POLQ: variants seen among roughly 807,000 people sequenced by gnomAD.
The protein encoded by POLQ is DNA polymerase theta, also known as epididymis secretory sperm binding protein.
A neutral mutation model predicts 259.2 loss-of-function variants in POLQ; 233 were observed. That is an observed-to-expected ratio of 0.90 (90% CI 0.81 to 1.00). POLQ has a LOEUF of 1.00. POLQ is among the 50% of genes least tolerant of loss of function. The pLI is 0.00. For synonymous variants in POLQ, 1,025 were observed against 1,048.8 expected (o/e 0.98, Z 0.44); for missense variants, 2,871 against 3,051.6 (o/e 0.94, Z 1.39).
chr3:121,455,631 T>A (rs1159665074), intron 25 of POLQ, among the ~76,000 whole-genome samples: 1 of 151,792 alleles, frequency 6.6e-6, no homozygotes, highest in Non-Finnish European at 1.5e-5. Flanking sequence ...CTAGAAAATC[T>A]AGAAAAAATG....
Position 121,489,252 on chromosome 3 carries a change from T to C in POLQ, c.3679A>G (p.Ile1227Val). ...ATAGTAACATTTGAGTCTCTATTTA[T>C]GTAACTACTGACTGCTTCACAGGGC... ...QMPCEAVSSY[I>V]NRDSNVTINC... The change falls in exon 16 of 30, where the codon ATA (isoleucine) becomes GTA (valine). Residue 1227 changes from isoleucine to valine, a missense_variant. Coordinates refer to ENST00000264233, the MANE Select transcript of POLQ (RefSeq NM_199420.4). 2 of 1,613,278 alleles carry C rather than the reference T, an allele frequency of 1.2e-6. No individual in the cohort carries two copies. Among genetic ancestry groups the C allele is most frequent in the Non-Finnish European group, 1.7e-6 (2 of 1,179,526 alleles).
chr3:121,499,291 A>C (rs1349577026), intron 12 of POLQ, among the ~76,000 whole-genome samples: 1 of 148,510 alleles, frequency 6.7e-6, no homozygotes, highest in Non-Finnish European at 1.5e-5. Context: ...TTTTGAGACA[A>C]GGTCTTGTTC....
intron 17 of POLQ, 144 bp from the exon 18 acceptor site, chr3:121,483,726 C>A (rs967222233): frequency 5.6e-6 from 3 of 540,296 alleles, no homozygotes; most frequent in Non-Finnish European, 9.5e-6. Flanking sequence ...AATTCAGCAT[C>A]TTATCCAGGT....
chr3:121,510,814 G>A (rs1305839692), intron 10 of POLQ, among the ~76,000 whole-genome samples: 1 of 151,932 alleles, frequency 6.6e-6, no homozygotes, highest in African/African-American at 2.4e-5. Context: ...GGCCAGGCAC[G>A]GTGGCTCACG....
Position 121,520,055 on chromosome 3 carries a change from A to G in POLQ, c.1284T>C (p.Ile428=). The G allele has an allele frequency of 6.2e-7, 1 of 1,612,626 alleles. No homozygotes were observed. The highest frequency in any genetic ancestry group is 8.5e-7 in the Non-Finnish European group (1 of 1,178,714). The change falls in exon 9 of 30, where the codon ATT becomes ATC. Residue 428 remains isoleucine (I), a synonymous_variant. Coordinates refer to ENST00000264233, the MANE Select transcript of POLQ (RefSeq NM_199420.4). ...AGLTFEERDI[I]EGAFRQGLIR... ...TGAGACCTTGACGAAAGGCTCCTTCAATGATATCCCTCTCCTCAAAAGTAA... is the reference window on the plus strand; with the variant it reads ...TGAGACCTTGACGAAAGGCTCCTTCGATGATATCCCTCTCCTCAAAAGTAA...
rs369970346 is a variant in POLQ, at chr3:121,480,221, T to C, written c.6211+1351A>G. Among the ~76,000 whole-genome samples the C allele has an allele frequency of 5.3e-5, 8 of 152,014 alleles. No homozygotes were observed. The East Asian group carries it at 5.8e-4, about 11-fold the overall frequency. On this transcript the variant is annotated intron_variant, in intron 19 of 29. Coordinates refer to ENST00000264233, the MANE Select transcript of POLQ (RefSeq NM_199420.4). ...CCAAATATATTCAAAAAGAAATAACTGAATAATCTTACAGTTATTAAAGAA... is the reference window on the plus strand; with the variant it reads ...CCAAATATATTCAAAAAGAAATAACCGAATAATCTTACAGTTATTAAAGAA...
At chr3:121,459,529 C>A (rs2047774035) in intron 25 of POLQ, among the ~76,000 whole-genome samples, 1 of 151,838 alleles carries the variant, frequency 6.6e-6, no homozygotes, top group African/African-American at 2.4e-5. Flanking sequence ...CTACAGGCAC[C>A]CACCACCACG....
rs1247003329 is a variant in POLQ at position 121,488,698 on chromosome 3, A to G, written c.4233T>C (p.Thr1411=). 6.2e-7 allele frequency: 1 copy of G among 1,613,468 alleles called. No homozygotes were observed. Among genetic ancestry groups the G allele is most frequent in the East Asian group, 2.2e-5 (1 of 44,876 alleles). ...GAGAATGGAAAATCGGGCTTTCTGG[A>G]GTCAGGATATCAACCCCATGTGAAT... ...SSDSHGVDIL[T]PESPIFHSPI... Residue 1411 remains threonine, a synonymous_variant, in exon 16 of 30, where the codon ACT becomes ACC. Coordinates refer to ENST00000264233, the MANE Select transcript of POLQ (RefSeq NM_199420.4).
Position 121,488,796 on chromosome 3 carries a change from G to C in POLQ, c.4135C>G (p.Gln1379Glu). 1 of 1,613,916 alleles carries C rather than the reference G, an allele frequency of 6.2e-7. No homozygotes were observed. The change falls in exon 16 of 30, where the codon CAG (glutamine) becomes GAG (glutamate). Residue 1379 changes from glutamine to glutamate, a missense_variant. Coordinates refer to ENST00000264233, the MANE Select transcript of POLQ (RefSeq NM_199420.4). ...KECHIPFPAE[Q>E]HPLGATKIDH... ...ATCTTAGTCGCTCCTAGAGGGTGCT[G>C]TTCAGCAGGAAAAGGAATGTGACAC...
rs376359599 is a variant in POLQ, at chr3:121,432,924, A to C, written c.7653T>G (p.Val2551=). 23 of 1,567,414 alleles carry C rather than the reference A, an allele frequency of 1.5e-5. No individual in the cohort carries two copies. The African/African-American group carries it at 3.1e-4, about 21-fold the overall frequency. Residue 2551 remains valine, a synonymous_variant, in exon 29 of 30, where the codon GTT becomes GTG. Coordinates refer to ENST00000264233, the MANE Select transcript of POLQ (RefSeq NM_199420.4). ...ACAAGCATTGCAAAAATACCTGAAC[A>C]ACATCTTCTTCTGCCACTTCATATA... ...ELLYEVAEED[V]VQVAQIVKNE...
intron 7 of POLQ, among the ~76,000 whole-genome samples, chr3:121,527,605 T>C (rs1243437491): frequency 1.3e-5 from 2 of 152,124 alleles, no homozygotes; most frequent in Non-Finnish European, 2.9e-5. Flanking sequence ...GCTTCACAAA[T>C]TTCCTTCTTT....
intron 25 of POLQ, among the ~76,000 whole-genome samples, chr3:121,453,819 C>T (rs918308042): frequency 6.6e-6 from 1 of 152,156 alleles, no homozygotes; most frequent in Admixed American, 6.5e-5. Flanking sequence ...AGGATATAAT[C>T]CAGGAGAACT....
chr3:121,500,230 A>T (rs533216762), intron 12 of POLQ, among the ~76,000 whole-genome samples: 2 of 151,124 alleles, frequency 1.3e-5, no homozygotes, highest in Non-Finnish European at 2.9e-5. Flanking sequence ...AGTGAGCCGT[A>T]ATTGTGCCAC....
At position 121,498,635 on chromosome 3, in the gene POLQ, A is replaced by G. The variant is rs1407023067; in HGVS notation, c.1995T>C (p.Asp665=). 6.2e-7 allele frequency: 1 copy of G among 1,613,496 alleles called. No homozygotes were observed. The highest frequency in any genetic ancestry group is 1.7e-5 in the Admixed American group (1 of 60,034). ...TPMFEDWTTI[D]WYRFFCLWEK... The stretch of plus-strand genomic sequence containing the variant: ...CCCATAAACAGAAAAATCGATACCA[A>G]TCAATAGTAGTCCAATCCTCAAACA... The change falls in exon 13 of 30, where the codon GAT becomes GAC. Residue 665 remains aspartate, a synonymous_variant. Transcript: ENST00000264233.
intron 7 of POLQ, among the ~76,000 whole-genome samples, chr3:121,522,653 A>T (rs1352600850): frequency 3.3e-5 from 5 of 152,104 alleles, no homozygotes. Context: ...TTAATCCTGG[A>T]CATTGTTATA....
chr3:121,488,447 C>G lies in POLQ; in HGVS notation c.4484G>C (p.Ser1495Thr). The G allele has an allele frequency of 7.5e-6, 12 of 1,610,396 alleles. No individual in the cohort carries two copies. Among genetic ancestry groups the G allele is most frequent in the Non-Finnish European group, 9.3e-6 (11 of 1,178,632 alleles). The change falls in exon 16 of 30, where the codon AGT becomes ACT. Residue 1495 changes from serine to threonine, a missense_variant. Coordinates refer to ENST00000264233, the MANE Select transcript of POLQ (RefSeq NM_199420.4). ...MSDSLLFDSFSDDYLVKEQLP... is the reference protein window; with the variant it reads ...MSDSLLFDSFTDDYLVKEQLP... ...TTGTTCTTTTACTAGATAGTCATCA[C>G]TGAAGCTATCAAATAGTAAACTATC...
intron 25 of POLQ, 119 bp from the exon 26 acceptor site, chr3:121,449,545 G>C: frequency 1.5e-6 from 1 of 689,092 alleles, no homozygotes; most frequent in Non-Finnish European, 2.7e-6. Context: ...ACAATGATTA[G>C]ATTGCTTTTG....
intron 7 of POLQ, among the ~76,000 whole-genome samples, chr3:121,524,729 G>C (rs1450717578): frequency 6.6e-6 from 1 of 151,998 alleles, no homozygotes; most frequent in African/African-American, 2.4e-5. Flanking sequence ...CTGGAATAGA[G>C]GGAAGAGACA....
At chr3:121,456,347 A>T (rs1316274243) in intron 25 of POLQ, among the ~76,000 whole-genome samples, 1 of 151,444 alleles carries the variant, frequency 6.6e-6, no homozygotes, top group Non-Finnish European at 1.5e-5. Context: ...CTCTCTCACC[A>T]CTCCTATTCA....
Sources: allele counts gnomAD v4.1 joint callset (sites outside exome capture counted in the v4.1 genomes callset), GRCh38; gene constraint gnomAD v4.1.1; transcripts MANE v1.5; gene names NCBI Gene and HGNC (gene_info 2026-07-23, HGNC 2026-07-21).